The following USP34 variants were observed in gnomAD, a reference collection of about 807,000 sequenced individuals.
USP34 encodes the protein ubiquitin specific peptidase 34.
USP34 carries 70 observed loss-of-function variants against 460.3 expected under a neutral mutation model. The ratio of observed to expected loss-of-function variants is 0.15; its 90% confidence interval spans 0.13 to 0.19. The LOEUF (loss-of-function observed/expected upper bound fraction) is 0.19. Among genes scored for constraint, USP34 ranks in the 10% least tolerant of loss-of-function variants. USP34 has a pLI of 1.00. For missense variants in USP34, 3,985 were observed against 4,236.2 expected (o/e 0.94, Z 1.65); for synonymous variants, 1,647 against 1,405.3 (o/e 1.17, Z -3.85).
At chr2:61,325,304 G>T in intron 21 of USP34, 71 bp downstream of exon 21, 3 of 974,966 alleles carry the variant, frequency 3.1e-6, no homozygotes, top group African/African-American at 1.8e-5. Flanking sequence ...GCAGAAATCA[G>T]AAGCAAAAGT....
intron 10 of USP34, among the ~76,000 whole-genome samples, chr2:61,369,401 C>A (rs575897133): frequency 6.6e-6 from 1 of 151,902 alleles, no homozygotes; most frequent in African/African-American, 2.4e-5. Context: ...TCCCAGCACA[C>A]TGGGAGGCCG....
intron 1 of USP34, among the ~76,000 whole-genome samples, chr2:61,439,546 C>T (rs1040932974): frequency 6.6e-6 from 1 of 152,184 alleles, no homozygotes; most frequent in African/African-American, 2.4e-5. Context: ...GCTGAGCAGG[C>T]AGTCAGTGAG....
intron 3 of USP34, among the ~76,000 whole-genome samples, chr2:61,403,116 A>G (rs1217661131): frequency 6.6e-6 from 1 of 152,178 alleles, no homozygotes; most frequent in Non-Finnish European, 1.5e-5. Context: ...TATTATCTCT[A>G]TGGGTATTTT....
intron 1 of USP34, among the ~76,000 whole-genome samples, chr2:61,458,265 A>T (rs910776511): frequency 1.3e-5 from 2 of 152,158 alleles, no homozygotes; most frequent in African/African-American, 2.4e-5. Flanking sequence ...TAAAAGCATA[A>T]GAAGGTATAT....
intron 3 of USP34, among the ~76,000 whole-genome samples, chr2:61,399,892 G>A (rs928025915): frequency 1.2e-3 from 80 of 68,894 alleles, no homozygotes; most frequent in South Asian, 3.8e-3. Context: ...AAAAAAAAAA[G>A]CTGTATTAAC....
In USP34 at chr2:61,266,200, T is replaced by C. The variant is rs747576186; in HGVS notation, c.5434-33A>G. 1.1e-5 allele frequency: 18 copies of C among 1,568,740 alleles called. No individual in the cohort carries two copies. In the South Asian group the frequency reaches 2.1e-4, roughly 18 times the overall value. Reference sequence around the variant, plus strand: ...GTAAAAGGAAACATGTTATCTAAACTGAGATATTAATTACATTCCAAATAT... The same window carrying C: ...GTAAAAGGAAACATGTTATCTAAACCGAGATATTAATTACATTCCAAATAT... On this transcript the variant is annotated intron_variant, in intron 41 of 79. Transcript: ENST00000398571.
chr2:61,454,712 G>C (rs923801128), intron 1 of USP34, among the ~76,000 whole-genome samples: 6 of 150,938 alleles, frequency 4.0e-5, no homozygotes, highest in Non-Finnish European at 7.4e-5. Flanking sequence ...ACCACACCCA[G>C]CTTATTTTTT....
At chr2:61,453,002 T>C (rs977922312) in intron 1 of USP34, among the ~76,000 whole-genome samples, 17 of 152,028 alleles carry the variant, frequency 1.1e-4, no homozygotes, top group African/African-American at 4.1e-4. Context: ...TCATACAGAT[T>C]CTTAAAAATA....
At chr2:61,341,133 G>A (rs549865502) in intron 16 of USP34, among the ~76,000 whole-genome samples, 8 of 152,212 alleles carry the variant, frequency 5.3e-5, no homozygotes, top group Admixed American at 2.0e-4. Flanking sequence ...TCAGAATGAT[G>A]TTTTCAATAT....
chr2:61,453,714 C>CAA (rs1169951643), intron 1 of USP34, among the ~76,000 whole-genome samples: 793 of 31,614 alleles, frequency 0.025, 14 homozygotes, highest in African/African-American at 0.065. Context: ...CATTCCATCT[C>CAA]AAAAAAAAAA....
In USP34 at chr2:61,347,998, C is replaced by T; in HGVS notation, c.2157G>A (p.Gln719=). ...CCCCAGTTCGTGTGATACAAGACTC[C>T]TGAGACCCTTGTGCTATATGAGTAG... is the stretch of plus-strand genomic sequence containing the variant. ...MNATHIAQGS[Q]ESCITRTGDF... Residue 719 remains glutamine (Q), a synonymous_variant, in exon 15 of 80, where the codon CAG becomes CAA. Transcript: ENST00000398571. 1.2e-6 allele frequency: 2 copies of T among 1,614,136 alleles called. No individual in the cohort carries two copies. The highest frequency in any genetic ancestry group is 1.7e-6 in the Non-Finnish European group (2 of 1,180,018).
chr2:61,217,836 T>C (rs1452873685), intron 67 of USP34, among the ~76,000 whole-genome samples: 3 of 152,050 alleles, frequency 2.0e-5, no homozygotes, highest in Non-Finnish European at 4.4e-5. Context: ...GTGCCTGTAA[T>C]CCCAGCTACT....
intron 20 of USP34, among the ~76,000 whole-genome samples, chr2:61,326,342 G>T (rs1367590155): frequency 6.6e-6 from 1 of 152,036 alleles, no homozygotes; most frequent in Non-Finnish European, 1.5e-5. Context: ...GGAGTAGCTG[G>T]GATTACAAGC....
At position 61,470,708 on chromosome 2, in the gene USP34, C is replaced by T. The variant is rs771928944; in HGVS notation, c.-16G>A. ...TCTCGCACATCGTTCGGCCGCCGCC[C>T]CCCCCCTCCCCCGCTTCGGATCACA... is the stretch of plus-strand genomic sequence containing the variant. On this transcript the variant is annotated 5_prime_UTR_variant, in exon 1 of 80. Coordinates refer to ENST00000398571, the MANE Select transcript of USP34 (RefSeq NM_014709.4). The T allele has an allele frequency of 6.3e-7, 1 of 1,587,130 alleles. No homozygotes were observed. Among genetic ancestry groups the T allele is most frequent in the Non-Finnish European group, 8.6e-7 (1 of 1,165,660 alleles).
At position 61,349,288 on chromosome 2, in the gene USP34, GA is replaced by G. The variant is rs755955698; in HGVS notation, c.1508-4del. On this transcript the variant is annotated splice_region_variant and splice_polypyrimidine_tract_variant and intron_variant, in intron 12 of 79. Transcript: ENST00000398571. Reference sequence around the variant, plus strand: ...TGTTCTTCTAAGCTCTTCTTCCTCTGAAGGAAAAGGAAAAAACAGGAGAAAA... The same window carrying G: ...TGTTCTTCTAAGCTCTTCTTCCTCTGAGGAAAAGGAAAAAACAGGAGAAAA... 1.7e-5 allele frequency: 27 copies of G among 1,612,856 alleles called. No homozygotes were observed. The Admixed American group carries it at 2.3e-4, about 14-fold the overall frequency.
chr2:61,340,530 G>C (rs922467776), intron 16 of USP34, among the ~76,000 whole-genome samples: 1 of 152,146 alleles, frequency 6.6e-6, no homozygotes, highest in South Asian at 2.1e-4. Flanking sequence ...CAGTGTATGA[G>C]AGCATCAGTC....
In USP34 at chr2:61,420,892, C is replaced by G. The variant is rs965494024; in HGVS notation, c.44-59G>C. 5 of 1,289,850 alleles carry G rather than the reference C, an allele frequency of 3.9e-6. No homozygotes were observed. The African/African-American group carries it at 7.5e-5, about 19-fold the overall frequency. 79.9% of individuals were successfully genotyped at this position (1,289,850 alleles called of 1,614,324 possible). A position where few individuals can be genotyped will look rare whatever the true frequency, so the allele number is the denominator to read the frequency against. ...AATGCTAAACCAGTATTAAAGCCAACAGTTCAAAATAAAGCCAAGAGCTAC... is the reference window on the plus strand; with the variant it reads ...AATGCTAAACCAGTATTAAAGCCAAGAGTTCAAAATAAAGCCAAGAGCTAC... On this transcript the variant is annotated intron_variant, in intron 1 of 79. Coordinates refer to ENST00000398571, the MANE Select transcript of USP34 (RefSeq NM_014709.4).
chr2:61,385,401 G>T (rs1459257829), intron 5 of USP34, among the ~76,000 whole-genome samples: 1 of 151,884 alleles, frequency 6.6e-6, no homozygotes, highest in African/African-American at 2.4e-5. Flanking sequence ...CGACAAGGAG[G>T]CCAGGCGCGG....
intron 27 of USP34, among the ~76,000 whole-genome samples, chr2:61,304,117 C>T (rs1430128305): frequency 6.6e-6 from 1 of 152,018 alleles, no homozygotes. Context: ...AGGCTGGTCT[C>T]GACCTCCTGA....
Sources: allele counts gnomAD v4.1 joint callset (sites outside exome capture counted in the v4.1 genomes callset), GRCh38; gene constraint gnomAD v4.1.1; transcripts MANE v1.5; gene names NCBI Gene and HGNC (gene_info 2026-07-23, HGNC 2026-07-21).